PLCL1: variants seen among roughly 807,000 people sequenced by gnomAD.
PLCL1 encodes inactive phospholipase C-like protein 1.
PLCL1 carries 41 observed loss-of-function variants against 84.4 expected under a neutral mutation model. The ratio of observed to expected loss-of-function variants is 0.49; its 90% confidence interval spans 0.38 to 0.63. PLCL1 has a LOEUF of 0.63. Ranked by LOEUF, PLCL1 falls within the 30% of genes least tolerant of loss-of-function variation. The pLI is 0.00. For synonymous variants in PLCL1, 490 were observed against 488.3 expected, an observed-to-expected ratio of 1.00 and a Z score of -0.05; for missense variants, 1,206 against 1,367.8, an observed-to-expected ratio of 0.88 and a Z score of 1.87.
chr2:197,825,505 C>T (rs191590975), intron 1 of PLCL1, among the ~76,000 whole-genome samples: 18 of 152,300 alleles, frequency 1.2e-4, no homozygotes, highest in African/African-American at 4.1e-4. Context: ...ACATTTTAGA[C>T]TTTTCTTGCA....
At position 198,031,348 on chromosome 2, in the gene PLCL1, A is replaced by G. The variant is rs139666480; in HGVS notation, c.241-52410A>G. The stretch of plus-strand genomic sequence containing the variant: ...ACAACACTGCACTCTAGCCTGGGCA[A>G]CAGAGCAAGAGGCCCCGTGTCTTTA... On this transcript the variant is annotated intron_variant, in intron 1 of 5. Transcript: ENST00000428675. Among the ~76,000 whole-genome samples the G allele has an allele frequency of 2.0e-4, 31 of 152,194 alleles. No individual in the cohort carries two copies. The East Asian group carries it at 5.0e-3, about 25-fold the overall frequency.
chr2:198,144,634 A>G (rs1694472405), intron 5 of PLCL1, among the ~76,000 whole-genome samples: 1 of 152,186 alleles, frequency 6.6e-6, no homozygotes, highest in Non-Finnish European at 1.5e-5. Context: ...GGATATTTTC[A>G]TCATTTTTGC....
intron 1 of PLCL1, among the ~76,000 whole-genome samples, chr2:197,843,032 C>T (rs1378626763): frequency 6.6e-6 from 1 of 152,176 alleles, no homozygotes; most frequent in African/African-American, 2.4e-5. Flanking sequence ...ATAGCCTCTC[C>T]TGCCAAACTG....
At chr2:198,092,534 A>G (rs779484597) in intron 3 of PLCL1, among the ~76,000 whole-genome samples, 7 of 152,156 alleles carry the variant, frequency 4.6e-5, no homozygotes, top group Non-Finnish European at 8.8e-5. Context: ...CCACTGTACC[A>G]CCGACACCAC....
rs781712697 is a variant in PLCL1 at position 197,805,944 on chromosome 2, T to C, written c.240+605T>C. Among the ~76,000 whole-genome samples, 1 of 152,334 alleles carries C rather than the reference T, an allele frequency of 6.6e-6. No homozygotes were observed. Among genetic ancestry groups the C allele is most frequent in the Non-Finnish European group, 1.5e-5 (1 of 68,028 alleles). ...CCCCAAGCATTATCACTGGTCCTTG[T>C]GGTTACCACCACATCCAGGGAAAAC... On this transcript the variant is annotated intron_variant, in intron 1 of 5. Transcript: ENST00000428675. This position sits in a 1 kb window ranked among gnomAD's most constrained non-coding sequence, Gnocchi z 4.0.
chr2:197,918,443 C>A (rs1012522316), intron 1 of PLCL1, among the ~76,000 whole-genome samples: 10 of 151,938 alleles, frequency 6.6e-5, no homozygotes, highest in African/African-American at 2.4e-4. Context: ...GTTAATATAT[C>A]AGTAATAGTT....
chr2:198,141,206 G>T (rs1330701521), intron 5 of PLCL1, among the ~76,000 whole-genome samples: 1 of 152,200 alleles, frequency 6.6e-6, no homozygotes, highest in Non-Finnish European at 1.5e-5. Context: ...GTAGAATGCA[G>T]TTGAAATATT....
At chr2:197,829,312 A>T (rs1401948356) in intron 1 of PLCL1, among the ~76,000 whole-genome samples, 3 of 152,190 alleles carry the variant, frequency 2.0e-5, no homozygotes, top group Non-Finnish European at 2.9e-5. Context: ...CCCAGCTAGT[A>T]AATCATATTT....
intron 1 of PLCL1, among the ~76,000 whole-genome samples, chr2:198,083,172 C>T (rs1165815529): frequency 6.6e-6 from 1 of 152,078 alleles, no homozygotes; most frequent in African/African-American, 2.4e-5. Flanking sequence ...AATTGTTTAC[C>T]TCAGTTTGAA....
intron 1 of PLCL1, among the ~76,000 whole-genome samples, chr2:197,977,768 T>G (rs1335818675): frequency 6.6e-6 from 1 of 152,202 alleles, no homozygotes; most frequent in African/African-American, 2.4e-5. Context: ...TGGGATCCAT[T>G]AAGACCTGGC....
chr2:197,916,665 G>C (rs1004396225), intron 1 of PLCL1, among the ~76,000 whole-genome samples: 2 of 151,648 alleles, frequency 1.3e-5, no homozygotes, highest in Non-Finnish European at 2.9e-5. Context: ...TTCAGAGAAG[G>C]CCAATTCAAA....
At chr2:197,936,496 T>C (rs993944175) in intron 1 of PLCL1, among the ~76,000 whole-genome samples, 1 of 152,222 alleles carries the variant, frequency 6.6e-6, no homozygotes, top group Non-Finnish European at 1.5e-5. Context: ...ATTTTCTTGA[T>C]GATTAGTGAT....
intron 1 of PLCL1, among the ~76,000 whole-genome samples, chr2:197,889,927 A>G (rs1687984501): frequency 6.6e-6 from 1 of 152,186 alleles, no homozygotes; most frequent in African/African-American, 2.4e-5. Context: ...AAGACTAGAG[A>G]TATCCCTCCA....
At chr2:198,019,072 G>A (rs903615191) in intron 1 of PLCL1, among the ~76,000 whole-genome samples, 7 of 152,176 alleles carry the variant, frequency 4.6e-5, no homozygotes, top group African/African-American at 1.7e-4. Flanking sequence ...AGCCTCTGCT[G>A]GTGATACCCA....
chr2:198,139,131 G>A (rs1694324506), intron 5 of PLCL1, among the ~76,000 whole-genome samples: 1 of 151,834 alleles, frequency 6.6e-6, no homozygotes, highest in South Asian at 2.1e-4. Context: ...CTCCAGCCTG[G>A]GCAACAAGAG....
chr2:197,956,987 T>A (rs180832752), intron 1 of PLCL1, among the ~76,000 whole-genome samples: 1 of 152,098 alleles, frequency 6.6e-6, no homozygotes, highest in Non-Finnish European at 1.5e-5. Context: ...TGTCATGAAG[T>A]CTTTACCCAT....
chr2:198,050,341 G>A (rs1022304982), intron 1 of PLCL1, among the ~76,000 whole-genome samples: 4 of 151,866 alleles, frequency 2.6e-5, no homozygotes, highest in Non-Finnish European at 4.4e-5. Flanking sequence ...TCAATACCCA[G>A]TACATGGTTA....
chr2:198,067,537 A>G (rs1692351076), intron 1 of PLCL1, among the ~76,000 whole-genome samples: 1 of 152,202 alleles, frequency 6.6e-6, no homozygotes, highest in African/African-American at 2.4e-5. Context: ...GTGAGGGAAA[A>G]TATCAATAAT....
chr2:197,954,961 A>G (rs145230421), intron 1 of PLCL1, among the ~76,000 whole-genome samples: 2 of 152,188 alleles, frequency 1.3e-5, no homozygotes, highest in African/African-American at 4.8e-5. Flanking sequence ...ATCATCCTGG[A>G]ATTAGAAACA....
Sources: gnomAD v4.1 joint callset for allele counts (sites outside exome capture counted in the v4.1 genomes callset) on GRCh38, gnomAD v4.1.1 for gene constraint, Gnocchi (gnomAD v3.1) non-coding constraint, MANE v1.5 for transcripts, NCBI Gene and HGNC (gene_info 2026-07-23, HGNC 2026-07-21) for gene names.